TMED3: variants seen among roughly 807,000 people sequenced by gnomAD.
TMED3 encodes transmembrane p24 trafficking protein 3, also known as transmembrane emp24 domain-containing protein 3.
In TMED3, 9 loss-of-function variants were observed where a neutral mutation model predicts 15.0. The observed-to-expected ratio is 0.60, with a 90% CI of 0.36 to 1.04. The LOEUF is 1.04. TMED3 is among the 50% of genes least tolerant of loss of function. The probability of loss-of-function intolerance (pLI) is 0.01; values close to 1 mark genes in which losing one functional copy is unlikely to be tolerated. For synonymous variants in TMED3, 117 were observed against 121.4 expected, an observed-to-expected ratio of 0.96 and a Z score of 0.24; for missense variants, 267 against 278.9, an observed-to-expected ratio of 0.96 and a Z score of 0.30.
At chr15:79,393,989 G>T (rs1044872272) in intron 2 of TMED3, among the ~76,000 whole-genome samples, 7 of 76,308 alleles carry the variant, frequency 9.2e-5, no homozygotes, top group African/African-American at 2.2e-4. Flanking sequence ...GAGACACAGT[G>T]CCCGGCCCAT....
intron 1 of TMED3, 42 bp downstream of exon 1, chr15:79,311,459 C>T (rs1201003656): frequency 1.9e-6 from 3 of 1,575,090 alleles, no homozygotes; most frequent in African/African-American, 1.4e-5. Context: ...TCCCTCCACT[C>T]CCAGGTCTCA....
intron 2 of TMED3, among the ~76,000 whole-genome samples, chr15:79,385,243 C>T (rs1218121282): frequency 6.6e-6 from 1 of 152,162 alleles, no homozygotes; most frequent in East Asian, 1.9e-4. Flanking sequence ...TGCACAGAGA[C>T]CCAGCAGCTT....
chr15:79,358,304 C>T (rs1330076062), intron 2 of TMED3, among the ~76,000 whole-genome samples: 2 of 152,246 alleles, frequency 1.3e-5, no homozygotes, highest in African/African-American at 4.8e-5. Context: ...CCAGCACCTT[C>T]AAGTGTGACA....
chr15:79,353,228 A>G (rs1237695192), intron 2 of TMED3, among the ~76,000 whole-genome samples: 1 of 76,392 alleles, frequency 1.3e-5, no homozygotes, highest in Non-Finnish European at 2.3e-5. Context: ...ATTATACATA[A>G]TATATAAAAT....
rs2058900192 is a variant in TMED3, at chr15:79,353,141, A to AT, written c.417+39136_417+39137insT. ...TATATAATATATATAAAATATATAA[A>AT]AAATATATAAAATATATATAAATAT... On this transcript the variant is annotated intron_variant, in intron 2 of 2. Transcript: ENST00000424155. Among the ~76,000 whole-genome samples the AT allele has an allele frequency of 5.5e-5, 4 of 72,244 alleles. No homozygotes were observed. The Admixed American group carries it at 8.0e-4, about 15-fold the overall frequency. The allele number at this position is 72,244 out of a possible 152,430, so 47.4% of individuals were successfully genotyped here.
chr15:79,360,476 G>A (rs1893101844), intron 2 of TMED3, among the ~76,000 whole-genome samples: 1 of 152,164 alleles, frequency 6.6e-6, no homozygotes, highest in Non-Finnish European at 1.5e-5. Context: ...TAGACCCAAG[G>A]GCAGAAGAGA....
At chr15:79,350,470 G>A (rs1283742176) in intron 2 of TMED3, among the ~76,000 whole-genome samples, 4 of 152,134 alleles carry the variant, frequency 2.6e-5, no homozygotes, top group Admixed American at 2.6e-4. Context: ...AAGTTCAAGA[G>A]TCCAAAAGCT....
intron 2 of TMED3, among the ~76,000 whole-genome samples, chr15:79,352,719 C>T (rs112382816): frequency 1.3e-4 from 18 of 140,328 alleles, no homozygotes; most frequent in Non-Finnish European, 2.6e-4. Flanking sequence ...TTTCACCCAA[C>T]CTTTTATGGT....
intron 2 of TMED3, among the ~76,000 whole-genome samples, chr15:79,339,424 A>T (rs1288093023): frequency 6.6e-6 from 1 of 151,720 alleles, no homozygotes; most frequent in Non-Finnish European, 1.5e-5. Context: ...ACACTCTCTC[A>T]TCTCCGCACA....
At chr15:79,384,880 C>A (rs912474733) in intron 2 of TMED3, among the ~76,000 whole-genome samples, 3 of 151,900 alleles carry the variant, frequency 2.0e-5, no homozygotes, top group East Asian at 1.9e-4. Flanking sequence ...AGCAGAGGGG[C>A]GAAGATGGCC....
chr15:79,330,363 A>G (rs919653119), intron 2 of TMED3, among the ~76,000 whole-genome samples: 1 of 151,430 alleles, frequency 6.6e-6, no homozygotes, highest in African/African-American at 2.4e-5. Flanking sequence ...AACATACAAA[A>G]CACAGTAACA....
chr15:79,330,769 C>T (rs2058805372), intron 2 of TMED3, among the ~76,000 whole-genome samples: 1 of 152,092 alleles, frequency 6.6e-6, no homozygotes, highest in South Asian at 2.1e-4. Flanking sequence ...ATCACACTTC[C>T]AGACCTCAAA....
intron 2 of TMED3, among the ~76,000 whole-genome samples, chr15:79,331,112 A>C (rs1188102355): frequency 6.6e-6 from 1 of 152,178 alleles, no homozygotes; most frequent in East Asian, 1.9e-4. Context: ...ACTTTTAAAC[A>C]ACCAGATTGT....
In TMED3 at chr15:79,322,734, TG is replaced by T; in HGVS notation, c.*521del. On this transcript the variant is annotated 3_prime_UTR_variant, in exon 3 of 3. Transcript: ENST00000299705. ...CCTCGGTGAGCAACAGTGTCAGCCA[TG>T]CAAGCAGGACAGAATGGTGACTGGG... 1.0e-6 allele frequency: 1 copy of T among 985,806 alleles called. No homozygotes were observed. The highest frequency in any genetic ancestry group is 4.7e-5 in the South Asian group (1 of 21,290). 61.1% of individuals were successfully genotyped at this position (985,806 alleles called of 1,614,324 possible).
At chr15:79,389,225 CTTAGAT>C (rs549857668) in intron 2 of TMED3, among the ~76,000 whole-genome samples, 1 of 152,210 alleles carries the variant, frequency 6.6e-6, no homozygotes, top group East Asian at 1.9e-4. Context: ...AGTTTCAGGT[CTTAGAT>C]TTAAGTCCTT....
intron 2 of TMED3, among the ~76,000 whole-genome samples, chr15:79,402,988 G>A (rs1256074083): frequency 6.6e-6 from 1 of 151,904 alleles, no homozygotes; most frequent in African/African-American, 2.4e-5. Context: ...GGAGGCTGAG[G>A]CGTGTGGATA....
Position 79,313,945 on chromosome 15 carries a change from A to C in TMED3, c.357A>C (p.Gln119His). Residue 119 changes from glutamine (Q) to histidine (H), a missense_variant, in exon 2 of 3, where the codon CAA (glutamine) becomes CAC (histidine). Physicochemically the swap from Gln to His is conservative, Grantham distance 24. Around this residue, in one of 3 missense-constraint regions of TMED3, gnomAD observed 69 missense variants for 106.8 expected, o/e 0.65. Transcript: ENST00000299705. ...ACAAGACCGTCTACTTTGACTTTCA[A>C]GTGGGCGATGAGCCTCCCATTCTCC... ...FSHKTVYFDF[Q>H]VGDEPPILPD... 1 of 1,614,178 alleles carries C rather than the reference A, an allele frequency of 6.2e-7. No individual in the cohort carries two copies. Among genetic ancestry groups the C allele is most frequent in the Middle Eastern group, 1.6e-4 (1 of 6,062 alleles).
At chr15:79,352,302 A>C (rs2058893941) in intron 2 of TMED3, among the ~76,000 whole-genome samples, 1 of 152,186 alleles carries the variant, frequency 6.6e-6, no homozygotes, top group Non-Finnish European at 1.5e-5. Flanking sequence ...TCATCCCCAG[A>C]AGGCACCCAT....
chr15:79,374,733 G>T (rs1310967975), intron 2 of TMED3, among the ~76,000 whole-genome samples: 1 of 152,176 alleles, frequency 6.6e-6, no homozygotes, highest in African/African-American at 2.4e-5. Context: ...ATGAAGCATG[G>T]TTAATTATAA....
Sources: allele counts gnomAD v4.1 joint callset (sites outside exome capture counted in the v4.1 genomes callset), GRCh38; gene constraint gnomAD v4.1.1; regional missense constraint gnomAD v4.1.1; transcripts MANE v1.5; gene names NCBI Gene and HGNC (gene_info 2026-07-23, HGNC 2026-07-21).